Variants in SCHIP1 observed in about 807,000 individuals in gnomAD.
The protein encoded by SCHIP1 is schwannomin-interacting protein 1.
A neutral mutation model predicts 29.7 loss-of-function variants in SCHIP1; 8 were observed. The ratio of observed to expected loss-of-function variants is 0.27; its 90% confidence interval spans 0.16 to 0.49. The LOEUF (loss-of-function observed/expected upper bound fraction) is 0.49. Ranked by LOEUF, SCHIP1 falls within the 20% of genes least tolerant of loss-of-function variation. The pLI is 0.99. For synonymous variants in SCHIP1, 76 were observed against 94.9 expected (o/e 0.80, Z 1.16); for missense variants, 193 against 294.6 (o/e 0.66, Z 2.52).
At chr3:159,470,912 C>A in the SCHIP1 span, among the ~76,000 whole-genome samples, 1 of 151,836 alleles carries the variant, frequency 6.6e-6, no homozygotes, top group South Asian at 2.1e-4. Context: ...ATGTATGATT[C>A]CATTTATATG....
chr3:159,708,488 T>C, the SCHIP1 span, among the ~76,000 whole-genome samples: 1 of 152,112 alleles, frequency 6.6e-6, no homozygotes, highest in Non-Finnish European at 1.5e-5. Context: ...TTAAGTTGCA[T>C]AGGTGAATTG....
the SCHIP1 span, among the ~76,000 whole-genome samples, chr3:159,654,330 G>A: frequency 1.3e-5 from 2 of 152,122 alleles, no homozygotes; most frequent in African/African-American, 4.8e-5. Context: ...CTCTCTATCA[G>A]ATTTGGCACT....
chr3:159,336,051 A>T, the SCHIP1 span, among the ~76,000 whole-genome samples: 6 of 152,144 alleles, frequency 3.9e-5, no homozygotes, highest in African/African-American at 7.2e-5. Flanking sequence ...TGGTGTGAGA[A>T]GGTATCTTAT....
At chr3:159,424,976 C>T in the SCHIP1 span, among the ~76,000 whole-genome samples, 6 of 151,974 alleles carry the variant, frequency 3.9e-5, no homozygotes, top group African/African-American at 9.7e-5. Flanking sequence ...AAATACTTTA[C>T]AGACAAGCAA....
the SCHIP1 span, among the ~76,000 whole-genome samples, chr3:159,713,357 G>A: frequency 6.6e-6 from 1 of 152,018 alleles, no homozygotes; most frequent in Non-Finnish European, 1.5e-5. Flanking sequence ...GTAACAGGAG[G>A]GTAGACTTTG....
the SCHIP1 span, among the ~76,000 whole-genome samples, chr3:159,816,154 G>A: frequency 1.3e-5 from 2 of 151,958 alleles, no homozygotes; most frequent in Admixed American, 6.6e-5. Flanking sequence ...TCATCATGTC[G>A]GCCAGGCTGG....
At chr3:159,627,424 C>T in the SCHIP1 span, among the ~76,000 whole-genome samples, 2 of 152,222 alleles carry the variant, frequency 1.3e-5, no homozygotes, top group Non-Finnish European at 2.9e-5. Flanking sequence ...CTGCCAGACA[C>T]TATTCTCAGC....
chr3:159,892,300 A>T lies in SCHIP1; in HGVS notation c.683+110A>T, dbSNP rs779038441. 7.9e-6 allele frequency: 10 copies of T among 1,271,072 alleles called. No homozygotes were observed. In the Middle Eastern group the frequency reaches 5.6e-4, roughly 71 times the overall value. 78.7% of individuals were successfully genotyped at this position (1,271,072 alleles called of 1,614,324 possible). A position where few individuals can be genotyped will look rare whatever the true frequency, so the allele number is the denominator to read the frequency against. ...ACTTCTTCCTCTACTTCCATAAATA[A>T]CTCACCTAGCCTTTTCTGGTGCCAG... is the stretch of plus-strand genomic sequence containing the variant. On this transcript the variant is annotated intron_variant, in intron 6 of 6. Coordinates refer to ENST00000445224, the Ensembl canonical transcript of SCHIP1.
At chr3:159,499,364 C>T in the SCHIP1 span, among the ~76,000 whole-genome samples, 102,180 of 152,076 alleles carry the variant, frequency 0.67, 34,743 homozygotes, top group East Asian at 0.78. Context: ...TTAATTCCAT[C>T]GCCTAAGGTA....
At chr3:159,884,803 C>T (rs1166939034) in intron 2 of SCHIP1, among the ~76,000 whole-genome samples, 1 of 152,180 alleles carries the variant, frequency 6.6e-6, no homozygotes, top group African/African-American at 2.4e-5. Flanking sequence ...GTTCAGCTCA[C>T]TCCAAGCATC....
the SCHIP1 span, among the ~76,000 whole-genome samples, chr3:159,619,733 C>T: frequency 1.3e-5 from 2 of 152,074 alleles, no homozygotes; most frequent in African/African-American, 4.8e-5. Context: ...GGCTGCAATC[C>T]AAAAGTTTGC....
chr3:159,423,875 G>A, the SCHIP1 span, among the ~76,000 whole-genome samples: 4 of 152,012 alleles, frequency 2.6e-5, no homozygotes, highest in South Asian at 2.1e-4. Flanking sequence ...TCAGAGGAAC[G>A]ATCAGACAGC....
chr3:159,742,056 C>T, the SCHIP1 span, among the ~76,000 whole-genome samples: 1 of 152,022 alleles, frequency 6.6e-6, no homozygotes, highest in African/African-American at 2.4e-5. Context: ...ATGGTGAAAC[C>T]CCATCTAAAA....
At chr3:159,670,333 T>C in the SCHIP1 span, among the ~76,000 whole-genome samples, 1 of 152,230 alleles carries the variant, frequency 6.6e-6, no homozygotes, top group Non-Finnish European at 1.5e-5. Flanking sequence ...TCTAGTTGTT[T>C]TCAATTAGTT....
chr3:159,440,170 A>G, the SCHIP1 span, among the ~76,000 whole-genome samples: 1 of 152,064 alleles, frequency 6.6e-6, no homozygotes, highest in African/African-American at 2.4e-5. Context: ...TCCTTTTCCC[A>G]TTGTTTATTT....
At chr3:159,889,116 T>C (rs900430046) in intron 5 of SCHIP1, among the ~76,000 whole-genome samples, 173 bp downstream of exon 6, 1 of 152,174 alleles carries the variant, frequency 6.6e-6, no homozygotes, top group Admixed American at 6.5e-5. Flanking sequence ...AGCTGTAAAA[T>C]GTTCAGAAGC....
At chr3:159,673,848 A>G in the SCHIP1 span, among the ~76,000 whole-genome samples, 1 of 152,210 alleles carries the variant, frequency 6.6e-6, no homozygotes, top group Non-Finnish European at 1.5e-5. Flanking sequence ...CAGTAGGTTT[A>G]CCAAATGCCA....
the SCHIP1 span, among the ~76,000 whole-genome samples, chr3:159,755,620 A>G: frequency 0.43 from 64,953 of 152,026 alleles, 14,992 homozygotes; most frequent in Middle Eastern, 0.54. Context: ...TGCCTTCCCA[A>G]CAGTCCCCCA....
the SCHIP1 span, among the ~76,000 whole-genome samples, chr3:159,613,110 G>A: frequency 1.3e-5 from 2 of 152,252 alleles, no homozygotes; most frequent in East Asian, 3.9e-4. Context: ...CAGAGTTAAA[G>A]CAATGAAAAC....
Sources: gnomAD v4.1 joint callset for allele counts (sites outside exome capture counted in the v4.1 genomes callset) on GRCh38, gnomAD v4.1.1 for gene constraint, MANE v1.5 for transcripts, NCBI Gene and HGNC (gene_info 2026-07-23, HGNC 2026-07-21) for gene names.